The following NUCB1 variants were observed in gnomAD, a reference collection of about 807,000 sequenced individuals.
The protein encoded by NUCB1 is nucleobindin 1.
In NUCB1, 47 loss-of-function variants were observed where a neutral mutation model predicts 61.2. That is an observed-to-expected ratio of 0.77 (90% confidence interval 0.61 to 0.98). The LOEUF is 0.98. Ranked by LOEUF, NUCB1 falls within the 50% of genes least tolerant of loss-of-function variation. The pLI is 0.00. For missense variants in NUCB1, 583 were observed against 605.3 expected (o/e 0.96, Z 0.39); for synonymous variants, 234 against 243.1 (o/e 0.96, Z 0.35).
chr19:48,905,815 G>C lies in NUCB1; in HGVS notation c.306G>C (p.Glu102Asp). Reference protein sequence around the residue: ...VSHHVRTKLDELKRQEVSRLR... With the variant: ...VSHHVRTKLDDLKRQEVSRLR... The stretch of plus-strand genomic sequence containing the variant: ...ACCACGTCCGCACCAAGCTGGATGA[G>C]CTCAAGCGACAGGAGGTGTCACGGC... The change falls in exon 4 of 13, where the codon GAG becomes GAC. Residue 102 changes from glutamate to aspartate, a missense_variant. By Grantham distance (45) the Glu-to-Asp change is conservative (BLOSUM62 2). Coordinates refer to ENST00000405315, the MANE Select transcript of NUCB1 (RefSeq NM_006184.6). The C allele has an allele frequency of 6.2e-7, 1 of 1,612,730 alleles. No homozygotes were observed. Among genetic ancestry groups the C allele is most frequent in the Non-Finnish European group, 8.5e-7 (1 of 1,179,296 alleles).
intron 7 of NUCB1, among the ~76,000 whole-genome samples, chr19:48,917,495 TA>T (rs201551487): frequency 2.1e-4 from 21 of 100,530 alleles, no homozygotes; most frequent in South Asian, 1.5e-3. Context: ...AGCCAATTTT[TA>T]AATTTTTTTT....
intron 7 of NUCB1, among the ~76,000 whole-genome samples, chr19:48,917,092 G>A (rs568771822): frequency 4.6e-5 from 7 of 151,362 alleles, no homozygotes; most frequent in East Asian, 2.0e-4. Context: ...GTGTGGTGGC[G>A]TGCATCTGTA....
At chr19:48,911,814 A>G (rs2037477221) in intron 5 of NUCB1, among the ~76,000 whole-genome samples, 1 of 151,984 alleles carries the variant, frequency 6.6e-6, no homozygotes. Context: ...CCAGGTGGAC[A>G]TGAATTTGGG....
At chr19:48,903,232 G>A (rs1454386680) in intron 2 of NUCB1, among the ~76,000 whole-genome samples, 1 of 152,162 alleles carries the variant, frequency 6.6e-6, no homozygotes, top group African/African-American at 2.4e-5. Context: ...GAAGGCCCAG[G>A]GAGAGTAAAG....
chr19:48,919,599 T>C (rs943529057), intron 10 of NUCB1, among the ~76,000 whole-genome samples: 11 of 151,558 alleles, frequency 7.3e-5, no homozygotes, highest in Non-Finnish European at 1.3e-4. Context: ...TGGCTCATCC[T>C]CTTGAGTAGC....
intron 5 of NUCB1, 58 bp downstream of exon 5, chr19:48,911,310 G>A: frequency 8.1e-7 from 1 of 1,239,746 alleles, no homozygotes; most frequent in Non-Finnish European, 1.2e-6. Flanking sequence ...AAGGGGAGAA[G>A]GGGACAGAGT....
At chr19:48,915,998 G>A (rs2037535531) in intron 7 of NUCB1, among the ~76,000 whole-genome samples, 1 of 152,032 alleles carries the variant, frequency 6.6e-6, no homozygotes, top group Non-Finnish European at 1.5e-5. Context: ...TATTTACACT[G>A]TCATGCAACC....
intron 7 of NUCB1, among the ~76,000 whole-genome samples, chr19:48,916,170 TCGTGTGTGTGTG>T (rs1297420797): frequency 7.3e-6 from 1 of 136,992 alleles, no homozygotes; most frequent in Non-Finnish European, 1.5e-5. Flanking sequence ...TTGGTATTTG[TCGTGTGTGTGTG>T]TGTGTGTGTG....
intron 3 of NUCB1, among the ~76,000 whole-genome samples, chr19:48,905,460 G>A (rs897076468): frequency 6.6e-6 from 1 of 152,046 alleles, no homozygotes; most frequent in African/African-American, 2.4e-5. Context: ...CTGATCTTGA[G>A]ATCCTCCCAC....
In NUCB1 at chr19:48,905,897, C is replaced by G; in HGVS notation, c.376+12C>G. 3 of 735,116 alleles carry G rather than the reference C, an allele frequency of 4.1e-6. No homozygotes were observed. The highest frequency in any genetic ancestry group is 1.6e-5 in the South Asian group (1 of 61,308). The allele number at this position is 735,116 out of a possible 1,614,324, so 45.5% of individuals were successfully genotyped here. ...CGAGCAGGATCCCAGTGAGCAGGGG[C>G]AGGGCGGGAGGGACAGGCAGGGAGG... is the stretch of plus-strand genomic sequence containing the variant. On this transcript the variant is annotated intron_variant, in intron 4 of 12. Transcript: ENST00000405315.
chr19:48,913,236 C>G (rs375774784), intron 6 of NUCB1, 40 bp downstream of exon 6: 31 of 1,559,604 alleles, frequency 2.0e-5, no homozygotes, highest in Non-Finnish European at 2.4e-5. Flanking sequence ...CCTACCACAT[C>G]CAGTTCAAAC....
intron 12 of NUCB1, 49 bp from the exon 13 acceptor site, chr19:48,922,269 A>C (rs2037619554): frequency 6.7e-7 from 1 of 1,491,630 alleles, no homozygotes; most frequent in African/African-American, 1.4e-5. Flanking sequence ...GTCCTGGGGG[A>C]GGAGGGGTTC....
intron 10 of NUCB1, among the ~76,000 whole-genome samples, chr19:48,919,809 C>T (rs1281696367): frequency 7.6e-6 from 1 of 132,132 alleles, no homozygotes; most frequent in Non-Finnish European, 1.5e-5. Flanking sequence ...TGCTCTGTCG[C>T]GTAGGCTGGA....
Position 48,904,388 on chromosome 19 carries a change from C to T in NUCB1, c.177C>T (p.Ile59=), listed in dbSNP as rs376450308. The T allele has an allele frequency of 1.7e-5, 27 of 1,613,176 alleles. No individual in the cohort carries two copies. Among genetic ancestry groups the T allele is most frequent in the African/African-American group, 8.0e-5 (6 of 74,700 alleles). ...LYYHRYLQEV[I]DVLETDGHFR... ...ACCACCGGTACCTCCAGGAGGTCAT[C>T]GATGTACTGGAGACGGATGGGCATT... The change falls in exon 3 of 13, where the codon ATC becomes ATT. Residue 59 remains isoleucine, a synonymous_variant. Coordinates refer to ENST00000405315, the MANE Select transcript of NUCB1 (RefSeq NM_006184.6).
At chr19:48,918,959 G>C (rs1237477610) in intron 8 of NUCB1, 71 bp from the exon 9 acceptor site, 4 of 1,483,288 alleles carry the variant, frequency 2.7e-6, no homozygotes, top group Non-Finnish European at 3.7e-6. Flanking sequence ...GGACTGCTGG[G>C]AGTTGAAGTT....
rs375677609 is a variant in NUCB1 at position 48,922,421 on chromosome 19, G to A, written c.1383G>A (p.Leu461=). The change falls in exon 13 of 13, where the codon CTG becomes CTA. Residue 461 remains leucine, a synonymous_variant. Coordinates refer to ENST00000405315, the MANE Select transcript of NUCB1 (RefSeq NM_006184.6). ...CTGAGGTTGAGGTGCCCCAGCATCT[G>A]TGATCCTCCGGGACCCCAGCCCTCA... ...RLPEVEVPQH[L] 1.4e-5 allele frequency: 22 copies of A among 1,612,748 alleles called. No individual in the cohort carries two copies. The highest frequency in any genetic ancestry group is 1.6e-4 in the Middle Eastern group (1 of 6,080).
chr19:48,908,212 C>T (rs2037432552), intron 4 of NUCB1, among the ~76,000 whole-genome samples: 1 of 152,126 alleles, frequency 6.6e-6, no homozygotes, highest in Non-Finnish European at 1.5e-5. Flanking sequence ...CTCACTGCAA[C>T]CTCTGCCTCC....
intron 10 of NUCB1, 91 bp downstream of exon 10, chr19:48,919,377 T>TCTGGGTCCCCGTCCATTCTC: frequency 1.1e-6 from 1 of 940,662 alleles, no homozygotes; most frequent in East Asian, 2.5e-5. Flanking sequence ...TCTCTTTCTC[T>TCTGGGTCCCCGTCCATTCTC]CTGGGTCCCC....
intron 4 of NUCB1, among the ~76,000 whole-genome samples, chr19:48,910,225 C>T (rs886365729): frequency 1.6e-4 from 25 of 151,780 alleles, no homozygotes; most frequent in Admixed American, 1.5e-3. Context: ...TACAGGTGCG[C>T]ACCACCATGC....
Sources: gnomAD v4.1 joint callset for allele counts (sites outside exome capture counted in the v4.1 genomes callset) on GRCh38, gnomAD v4.1.1 for gene constraint, MANE v1.5 for transcripts, NCBI Gene and HGNC (gene_info 2026-07-23, HGNC 2026-07-21) for gene names.